CHTF18: variants seen among roughly 807,000 people sequenced by gnomAD.
CHTF18 encodes chromosome transmission fidelity factor 18, also known as chromosome transmission fidelity protein 18 homolog.
In CHTF18, 151 loss-of-function variants were observed where a neutral mutation model predicts 113.4. The ratio of observed to expected loss-of-function variants is 1.33; its 90% CI spans 1.17 to 1.52. The LOEUF is 1.52. Among genes scored for constraint, CHTF18 ranks in the 40% most tolerant of loss-of-function variants. CHTF18 has a pLI of 0.00. For missense variants in CHTF18, 1,982 were observed against 1,381.6 expected, an observed-to-expected ratio of 1.43 and a Z score of -6.89; for synonymous variants, 916 against 598.8, an observed-to-expected ratio of 1.53 and a Z score of -7.74.
rs752161524 is a variant in CHTF18, at chr16:797,022, A to C, written c.2663A>C (p.His888Pro). The stretch of plus-strand genomic sequence containing the variant: ...GGGGGCATTGGGGAGAAAGGGGTGC[A>C]CCGACCTGCCCCACGCAACCATGAG... Reference protein sequence around the residue: ...LLGGIGEKGVHRPAPRNHEQR... With the variant: ...LLGGIGEKGVPRPAPRNHEQR... The change falls in exon 20 of 22, where the codon CAC becomes CCC. Residue 888 changes from histidine (H) to proline (P), a missense_variant. By Grantham distance (77) the His-to-Pro change is moderately conservative. Coordinates refer to ENST00000262315, the MANE Select transcript of CHTF18 (RefSeq NM_022092.3). 37 of 1,557,380 alleles carry C rather than the reference A, an allele frequency of 2.4e-5. 2 individuals carry two copies. In the South Asian group the frequency reaches 4.4e-4, roughly 18 times the overall value.
chr16:794,407 C>A (rs2042282825), intron 15 of CHTF18, among the ~76,000 whole-genome samples: 1 of 152,118 alleles, frequency 6.6e-6, no homozygotes, highest in South Asian at 2.1e-4. Context: ...CACGGGCCGG[C>A]AGGCAAGGAG....
intron 18 of CHTF18, 24 bp downstream of exon 18, chr16:796,101 G>A: frequency 6.3e-7 from 1 of 1,588,790 alleles, no homozygotes; most frequent in Non-Finnish European, 8.6e-7. Flanking sequence ...TGCCTGGGGT[G>A]TGCTCCAGGG....
At chr16:794,267 C>T (rs1377566126) in intron 15 of CHTF18, 66 bp downstream of exon 15, 8 of 1,556,960 alleles carry the variant, frequency 5.1e-6, no homozygotes, top group South Asian at 1.2e-5. Context: ...GTGCCCCTGC[C>T]CCTGCCGGTC....
At chr16:792,641 G>A in intron 11 of CHTF18, 51 bp downstream of exon 11, 3 of 1,590,202 alleles carry the variant, frequency 1.9e-6, no homozygotes, top group Non-Finnish European at 2.6e-6. Flanking sequence ...GTGCCTGGAG[G>A]GAGGGTTCCG....
At chr16:797,138 TG>T (rs779759151) in intron 20 of CHTF18, 46 bp downstream of exon 20, 1 of 1,466,226 alleles carries the variant, frequency 6.8e-7, no homozygotes, top group South Asian at 1.4e-5. Flanking sequence ...TACATACCTT[TG>T]GGGGTGTGGC....
rs371338329 is a variant in CHTF18 at position 792,442 on chromosome 16, G to A, written c.1330G>A (p.Ala444Thr). Residue 444 changes from alanine (A) to threonine (T), a missense_variant, in exon 11 of 22, where the codon GCC becomes ACC. Physicochemically the swap from Ala to Thr is moderately conservative, Grantham distance 58 (BLOSUM62 0). Coordinates refer to ENST00000262315, the MANE Select transcript of CHTF18 (RefSeq NM_022092.3). ...IDEIDGAPVAAINVLLSILNR... is the reference protein window; with the variant it reads ...IDEIDGAPVATINVLLSILNR... Reference sequence around the variant, plus strand: ...GTGTCCTCTGACCTCCCCCAAGGCCGCCATCAACGTCCTCCTGAGCATCCT... The same window carrying A: ...GTGTCCTCTGACCTCCCCCAAGGCCACCATCAACGTCCTCCTGAGCATCCT... The A allele has an allele frequency of 2.0e-5, 32 of 1,562,240 alleles. No homozygotes were observed. Among genetic ancestry groups the A allele is most frequent in the African/African-American group, 1.6e-4 (12 of 73,736 alleles).
At chr16:791,468 T>C (rs1298823439) in intron 8 of CHTF18, 98 bp downstream of exon 8, 18 of 1,461,668 alleles carry the variant, frequency 1.2e-5, no homozygotes, top group Middle Eastern at 2.5e-4. Context: ...GAGCCGTGGG[T>C]GTGGTGACGT....
At position 796,844 on chromosome 16, in the gene CHTF18, G is replaced by C; in HGVS notation, c.2584G>C (p.Val862Leu). The change falls in exon 19 of 22, where the codon GTA becomes CTA. Residue 862 changes from valine (V) to leucine (L), a missense_variant. Transcript: ENST00000262315. Reference sequence around the variant, plus strand: ...GCGGCGGGCGGAGGCTTCTGCCCGGGTAGAGAACAGCCCCCAGGTGAGCCC... The same window carrying C: ...GCGGCGGGCGGAGGCTTCTGCCCGGCTAGAGAACAGCCCCCAGGTGAGCCC... ...KMRRAEASAR[V>L]ENSPQVDGSP... is the part of the protein sequence containing the mutation. 1 of 1,605,130 alleles carries C rather than the reference G, an allele frequency of 6.2e-7. No homozygotes were observed. Among genetic ancestry groups the C allele is most frequent in the Non-Finnish European group, 8.5e-7 (1 of 1,177,042 alleles).
chr16:795,180 G>C lies in CHTF18; in HGVS notation c.1999G>C (p.Gly667Arg), dbSNP rs764537759. The C allele has an allele frequency of 6.4e-7, 1 of 1,558,490 alleles. No homozygotes were observed. Among genetic ancestry groups the C allele is most frequent in the South Asian group, 1.2e-5 (1 of 84,864 alleles). The change falls in exon 16 of 22, where the codon GGT becomes CGT. Residue 667 changes from glycine (G) to arginine (R), a missense_variant. Transcript: ENST00000262315. ...TCTGCGGCTGCGAGACTCCAGCCTG[G>C]GTGCTGTGTGTGTGGCCCTCGACTG... ...LRLRLRDSSL[G>R]AVCVALDWLA...
intron 11 of CHTF18, 57 bp from the exon 12 acceptor site, chr16:792,661 T>C: frequency 6.3e-7 from 1 of 1,588,742 alleles, no homozygotes; most frequent in Non-Finnish European, 8.5e-7. Context: ...GGCCCGTCCC[T>C]GTGTCCTGGG....
intron 7 of CHTF18, 75 bp from the exon 8 acceptor site, chr16:791,086 C>G (rs545556243): frequency 1.4e-5 from 21 of 1,533,868 alleles, no homozygotes; most frequent in Non-Finnish European, 1.8e-5. Flanking sequence ...GCATGGGGCT[C>G]ATGGTGGCAG....
intron 14 of CHTF18, 175 bp from the exon 15 acceptor site, chr16:793,879 G>C: frequency 1.5e-6 from 1 of 688,282 alleles, no homozygotes; most frequent in Non-Finnish European, 2.4e-6. Flanking sequence ...GTTTCAGGGG[G>C]TTGAGGTCCG....
At position 792,421 on chromosome 16, in the gene CHTF18, C is replaced by T. The variant is rs539198849; in HGVS notation, c.1327-18C>T. The T allele has an allele frequency of 3.4e-5, 53 of 1,559,640 alleles. No homozygotes were observed. The highest frequency in any genetic ancestry group is 3.3e-4 in the Middle Eastern group (2 of 6,002). ...GCAGCAGGGCCTGGACTCACCGTGT[C>T]CTCTGACCTCCCCCAAGGCCGCCAT... is the stretch of plus-strand genomic sequence containing the variant. On this transcript the variant is annotated intron_variant, in intron 10 of 21. Coordinates refer to ENST00000262315, the MANE Select transcript of CHTF18 (RefSeq NM_022092.3).
rs777956286 is a variant in CHTF18, at chr16:788,648, G to C, written c.-37G>C. On this transcript the variant is annotated 5_prime_UTR_variant, in exon 1 of 22. Coordinates refer to ENST00000262315, the MANE Select transcript of CHTF18 (RefSeq NM_022092.3). ...CAGTGCGCGACGGCGGCGGCGGCGCGGGAGGTTCGGAGCGGGAGCTCGGGC... is the reference window on the plus strand; with the variant it reads ...CAGTGCGCGACGGCGGCGGCGGCGCCGGAGGTTCGGAGCGGGAGCTCGGGC... 6.9e-7 allele frequency: 1 copy of C among 1,457,514 alleles called. No individual in the cohort carries two copies. The allele number at this position is 1,457,514 out of a possible 1,614,324, so 90.3% of individuals were successfully genotyped here.
Position 792,765 on chromosome 16 carries a change from A to G in CHTF18, c.1526A>G (p.His509Arg), listed in dbSNP as rs1361941009. 2 of 1,548,556 alleles carry G rather than the reference A, an allele frequency of 1.3e-6. No homozygotes were observed. Among genetic ancestry groups the G allele is most frequent in the Admixed American group, 1.9e-5 (1 of 52,036 alleles). ...CTGAAGCAGCAGGCCTTCCTGCTCC[A>G]CTTCCCGCCGACTCTGCCCTCGAGG... Reference protein sequence around the residue: ...RQLKQQAFLLHFPPTLPSRLV... With the variant: ...RQLKQQAFLLRFPPTLPSRLV... The change falls in exon 12 of 22, where the codon CAC (histidine) becomes CGC (arginine). Residue 509 changes from histidine (H) to arginine (R), a missense_variant. His to Arg is a conservative substitution (Grantham distance 29). Transcript: ENST00000262315.
At chr16:792,181 G>C in intron 9 of CHTF18, 43 bp from the exon 10 acceptor site, 4 of 1,545,206 alleles carry the variant, frequency 2.6e-6, no homozygotes, top group Non-Finnish European at 3.5e-6. Flanking sequence ...TGCCCTGCCA[G>C]GGACGCCCAC....
In CHTF18 at chr16:792,500, A is replaced by G. The variant is rs1313496228; in HGVS notation, c.1388A>G (p.Gln463Arg). The change falls in exon 11 of 22, where the codon CAG (glutamine) becomes CGG (arginine). Residue 463 changes from glutamine to arginine, a missense_variant. Transcript: ENST00000262315. ...NRKGPQEVGPQGPAVPSGGGR... is the reference protein window; with the variant it reads ...NRKGPQEVGPRGPAVPSGGGR... ...AAGGGGCCACAGGAGGTGGGGCCAC[A>G]GGGCCCGGCTGTGCCTTCGGGAGGC... The G allele has an allele frequency of 5.0e-6, 8 of 1,594,006 alleles. No homozygotes were observed. Among genetic ancestry groups the G allele is most frequent in the Non-Finnish European group, 6.8e-6 (8 of 1,172,032 alleles).
At chr16:797,350 G>C (rs571751339) in intron 20 of CHTF18, among the ~76,000 whole-genome samples, 56 of 152,188 alleles carry the variant, frequency 3.7e-4, no homozygotes, top group Admixed American at 2.6e-4. Flanking sequence ...TTGGGGGTGG[G>C]GCTGAGCCAC....
At position 795,954 on chromosome 16, in the gene CHTF18, C is replaced by T. The variant is rs771580793; in HGVS notation, c.2333C>T (p.Thr778Ile). The T allele has an allele frequency of 2.5e-6, 4 of 1,609,624 alleles. No homozygotes were observed. Among genetic ancestry groups the T allele is most frequent in the Non-Finnish European group, 2.5e-6 (3 of 1,178,698 alleles). ...CTGCCTCCCATCCCCTAGGTGAGCA[C>T]ACAGCTGTACAGCACCCGTGAAAAG... ...ILAPKLRPVS[T>I]QLYSTREKQQ... is the part of the protein sequence containing the mutation. The change falls in exon 18 of 22, where the codon ACA (threonine) becomes ATA (isoleucine). Residue 778 changes from threonine (T) to isoleucine (I), a missense_variant. Thr to Ile is a moderately conservative substitution (Grantham distance 89, BLOSUM62 -1). Transcript: ENST00000262315.
Sources: allele counts gnomAD v4.1 joint callset (sites outside exome capture counted in the v4.1 genomes callset), GRCh38; gene constraint gnomAD v4.1.1; transcripts MANE v1.5; gene names NCBI Gene and HGNC (gene_info 2026-07-23, HGNC 2026-07-21).